Variants in HINFP observed in about 807,000 individuals in gnomAD.
The protein encoded by HINFP is histone H4 transcription factor.
Under a neutral mutation model 50.1 loss-of-function variants are expected in HINFP, and 20 were observed. That is an observed-to-expected ratio of 0.40 (90% CI 0.28 to 0.58). The LOEUF (loss-of-function observed/expected upper bound fraction) is 0.58, where lower values mean the gene tolerates loss of function less well. Among genes scored for constraint, HINFP ranks in the 20% least tolerant of loss-of-function variants. The pLI, the probability that HINFP is intolerant of heterozygous loss-of-function variation, is 0.45. For missense variants in HINFP, 505 were observed against 664.1 expected (o/e 0.76, Z 2.63); for synonymous variants, 247 against 243.7 (o/e 1.01, Z -0.13).
intron 2 of HINFP, among the ~76,000 whole-genome samples, chr11:119,128,103 C>T (rs1211299860): frequency 3.9e-5 from 6 of 152,132 alleles, no homozygotes; most frequent in Admixed American, 2.6e-4. Context: ...CCGCCCACCT[C>T]GGCCTCCCAA....
chr11:119,132,375 C>A, intron 5 of HINFP, 121 bp from the exon 6 acceptor site: 2 of 896,672 alleles, frequency 2.2e-6, no homozygotes, highest in South Asian at 1.5e-5. Context: ...CCATTCATAG[C>A]TCCCTAAGCT....
In HINFP at chr11:119,129,490, CT is replaced by C. The variant is rs59395600; in HGVS notation, c.182-1220del. Among the ~76,000 whole-genome samples the C allele has an allele frequency of 1.8e-3, 223 of 124,100 alleles. 2 individuals are homozygous for C. The highest frequency in any genetic ancestry group is 8.8e-3 in the Middle Eastern group (2 of 226). 81.4% of individuals were successfully genotyped at this position (124,100 alleles called of 152,430 possible). A position where few individuals can be genotyped will look rare whatever the true frequency, so the allele number is the denominator to read the frequency against. ...TCTGGCAGGAATACATTTTTCTTTT[CT>C]TTTTTTTTTTTTTTGTGGGAGTGCA... On this transcript the variant is annotated intron_variant, in intron 2 of 9. Transcript: ENST00000350777.
At position 119,132,582 on chromosome 11, in the gene HINFP, C is replaced by T. The variant is rs200102995; in HGVS notation, c.754+9C>T. The T allele has an allele frequency of 1.8e-5, 29 of 1,614,116 alleles. No homozygotes were observed. In the African/African-American group the frequency reaches 3.1e-4, roughly 17 times the overall value. ...CCACATGCGCAACCATGGTGAGTGG[C>T]CTGCGGCCCACAGCCTCCCTCCTGC... On this transcript the variant is annotated intron_variant, in intron 6 of 9. Transcript: ENST00000350777.
At chr11:119,127,689 C>T (rs753007245) in intron 2 of HINFP, among the ~76,000 whole-genome samples, 1 of 151,682 alleles carries the variant, frequency 6.6e-6, no homozygotes, top group Non-Finnish European at 1.5e-5. Flanking sequence ...AGGCATGTAC[C>T]ACCACCACAC....
chr11:119,132,815 G>C, intron 7 of HINFP, 34 bp downstream of exon 7: 1 of 1,613,878 alleles, frequency 6.2e-7, no homozygotes, highest in African/African-American at 1.3e-5. Flanking sequence ...AACAGCTCAT[G>C]TTCCAGTGTT....
chr11:119,134,677 G>A lies in HINFP; in HGVS notation c.*179G>A, dbSNP rs570466484. 6 of 536,198 alleles carry A rather than the reference G, an allele frequency of 1.1e-5. No homozygotes were observed. The East Asian group carries it at 1.4e-4, about 13-fold the overall frequency. The allele number at this position is 536,198 out of a possible 1,614,324, so 33.2% of individuals were successfully genotyped here. ...CAGACTCTAAAGACTTCCCTTTTCTGCCAGACTACATTTTGTGGGGAGCCT... is the reference window on the plus strand; with the variant it reads ...CAGACTCTAAAGACTTCCCTTTTCTACCAGACTACATTTTGTGGGGAGCCT... On this transcript the variant is annotated 3_prime_UTR_variant, in exon 10 of 10. Coordinates refer to ENST00000350777, the MANE Select transcript of HINFP (RefSeq NM_198971.3). The surrounding 1 kb of genome is among the most constrained non-coding windows in gnomAD (Gnocchi z 4.3).
Position 119,134,420 on chromosome 11 carries a change from A to T in HINFP, c.1476A>T (p.Pro492=), listed in dbSNP as rs768970523. ...VLSEAPGEPP[P]APEPPSGGIM... is the part of the protein sequence containing the mutation. ...CTGAAGCCCCAGGGGAGCCTCCCCC[A>T]GCCCCTGAGCCACCTTCAGGGGGCA... is the stretch of plus-strand genomic sequence containing the variant. The change falls in exon 10 of 10, where the codon CCA becomes CCT. Residue 492 remains proline, a synonymous_variant. Transcript: ENST00000350777. This position sits in a 1 kb window ranked among gnomAD's most constrained non-coding sequence, Gnocchi z 4.3. The T allele has an allele frequency of 1.9e-6, 3 of 1,614,186 alleles. No homozygotes were observed. The highest frequency in any genetic ancestry group is 2.2e-5 in the East Asian group (1 of 44,880).
rs761743272 is a variant in HINFP at position 119,132,965 on chromosome 11, T to C, written c.977T>C (p.Leu326Pro). 1.9e-6 allele frequency: 3 copies of C among 1,614,236 alleles called. No homozygotes were observed. In the Admixed American group the frequency reaches 5.0e-5, roughly 27 times the overall value. The change falls in exon 8 of 10, where the codon CTC becomes CCC. Residue 326 changes from leucine (L) to proline (P), a missense_variant. Transcript: ENST00000350777. ...FENCTFSARS[L>P]CSIKSHYRKV... ...AACTGCACCTTCAGTGCCCGATCCC[T>C]CTGCTCTATCAAGTCCCATTACCGC...
In HINFP at chr11:119,134,060, C is replaced by T; in HGVS notation, c.1140-24C>T. On this transcript the variant is annotated intron_variant, in intron 9 of 9. Transcript: ENST00000350777. This position sits in a 1 kb window ranked among gnomAD's most constrained non-coding sequence, Gnocchi z 4.3. The stretch of plus-strand genomic sequence containing the variant: ...TGTATCCCCCTGCCTGGGTTTGCTG[C>T]CCTTTATGCTCCTACCTCACCAGGT... 1.2e-6 allele frequency: 2 copies of T among 1,614,042 alleles called. No individual in the cohort carries two copies. The highest frequency in any genetic ancestry group is 1.7e-6 in the Non-Finnish European group (2 of 1,179,916).
chr11:119,123,480 T>C (rs1449326907), intron 1 of HINFP, among the ~76,000 whole-genome samples: 1 of 152,186 alleles, frequency 6.6e-6, no homozygotes, highest in African/African-American at 2.4e-5. Flanking sequence ...TTTATGACTT[T>C]TGAAGCTTTT....
At chr11:119,130,115 C>T (rs1226752253) in intron 2 of HINFP, 1 of 152,520 alleles carries the variant, frequency 6.6e-6, no homozygotes, top group Non-Finnish European at 1.5e-5. Flanking sequence ...TTGAGCAAAA[C>T]ATGAGGGGAA....
chr11:119,134,729 C>A lies in HINFP; in HGVS notation c.*231C>A. 2.1e-6 allele frequency: 1 copy of A among 480,698 alleles called. No individual in the cohort carries two copies. Among genetic ancestry groups the A allele is most frequent in the Non-Finnish European group, 3.7e-6 (1 of 270,254 alleles). The allele number at this position is 480,698 out of a possible 1,614,324, so 29.8% of individuals were successfully genotyped here. A position where few individuals can be genotyped will look rare whatever the true frequency, so the allele number is the denominator to read the frequency against. ...AGGACTCTGGATTCTTTGAGGGGAT[C>A]CTGGATGTGTGTGTTCTTGTTAAAG... On this transcript the variant is annotated 3_prime_UTR_variant, in exon 10 of 10. Transcript: ENST00000350777. The surrounding 1 kb of genome is among the most constrained non-coding windows in gnomAD (Gnocchi z 4.3).
chr11:119,133,074 T>C, intron 8 of HINFP, 21 bp from the exon 9 acceptor site: 1 of 1,614,128 alleles, frequency 6.2e-7, no homozygotes, highest in Non-Finnish European at 8.5e-7. Context: ...TGGTCTCATT[T>C]CTCCCTTCCT....
chr11:119,134,102 T>C lies in HINFP; in HGVS notation c.1158T>C (p.Asp386=). The change falls in exon 10 of 10, where the codon GAT becomes GAC. Residue 386 remains aspartate, a synonymous_variant. Transcript: ENST00000350777. This position sits in a 1 kb window ranked among gnomAD's most constrained non-coding sequence, Gnocchi z 4.3. ...HPRFRYKEHE[D]GYMRLQLVRY... ...TCACCAGGTACAAGGAACATGAAGA[T>C]GGCTATATGCGGCTGCAGCTGGTTC... 1 of 1,614,118 alleles carries C rather than the reference T, an allele frequency of 6.2e-7. No homozygotes were observed.
Position 119,131,203 on chromosome 11 carries a change from C to T in HINFP, c.411+249C>T. 1.5e-6 allele frequency: 1 copy of T among 652,706 alleles called. No individual in the cohort carries two copies. The highest frequency in any genetic ancestry group is 2.8e-6 in the Non-Finnish European group (1 of 355,378). The allele number at this position is 652,706 out of a possible 1,614,324, so 40.4% of individuals were successfully genotyped here. ...TCCTGGGCTCAAGCAATCCTCCCAC[C>T]TCAGCCTCCCAAGTAGCTAGGACTA... On this transcript the variant is annotated intron_variant, in intron 3 of 9. Transcript: ENST00000350777. The surrounding 1 kb of genome is among the most constrained non-coding windows in gnomAD (Gnocchi z 4.2).
At position 119,134,804 on chromosome 11, in the gene HINFP, T is replaced by A; in HGVS notation, c.*306T>A. On this transcript the variant is annotated 3_prime_UTR_variant, in exon 10 of 10. Transcript: ENST00000350777. The surrounding 1 kb of genome is among the most constrained non-coding windows in gnomAD (Gnocchi z 4.3). ...ACCCTCAAGATCTGCTTGACAGTGA[T>A]TAAATCCTTAGCTCACATCCATTCC... is the stretch of plus-strand genomic sequence containing the variant. The A allele has an allele frequency of 3.7e-6, 1 of 272,196 alleles. No individual in the cohort carries two copies. The highest frequency in any genetic ancestry group is 7.0e-6 in the Non-Finnish European group (1 of 142,526). 16.9% of individuals were successfully genotyped at this position (272,196 alleles called of 1,614,324 possible).
rs1947059521 is a variant in HINFP, at chr11:119,121,640, G to A, written c.-11+1G>A. ...TGAAGAGACCTGGAGCCGACAGACG[G>A]TAAGCTGGGGTATGTGCTCTGCAGG... On this transcript the variant is annotated splice_donor_variant, in intron 1 of 9. Coordinates refer to ENST00000350777, the MANE Select transcript of HINFP (RefSeq NM_198971.3). LOFTEE classifies it low-confidence loss of function (5UTR_SPLICE). 6.6e-6 allele frequency: 1 copy of A among 152,400 alleles called. No homozygotes were observed. The highest frequency in any genetic ancestry group is 1.5e-5 in the Non-Finnish European group (1 of 68,148). The allele number at this position is 152,400 out of a possible 1,614,324, so 9.4% of individuals were successfully genotyped here.
At position 119,134,570 on chromosome 11, in the gene HINFP, G is replaced by T. The variant is rs1947972786; in HGVS notation, c.*72G>T. The T allele has an allele frequency of 7.9e-7, 1 of 1,272,214 alleles. No homozygotes were observed. Among genetic ancestry groups the T allele is most frequent in the African/African-American group, 1.5e-5 (1 of 67,038 alleles). 78.8% of individuals were successfully genotyped at this position (1,272,214 alleles called of 1,614,324 possible). A position where few individuals can be genotyped will look rare whatever the true frequency, so the allele number is the denominator to read the frequency against. ...CCAGGCAAGTGGCAGTGCCCCTAGT[G>T]GGCAGCCGTTGCCAATGGATGCCTT... is the stretch of plus-strand genomic sequence containing the variant. On this transcript the variant is annotated 3_prime_UTR_variant, in exon 10 of 10. Coordinates refer to ENST00000350777, the MANE Select transcript of HINFP (RefSeq NM_198971.3). The surrounding 1 kb of genome is among the most constrained non-coding windows in gnomAD (Gnocchi z 4.3).
chr11:119,122,075 T>A (rs1947096570), intron 1 of HINFP: 1 of 152,296 alleles, frequency 6.6e-6, no homozygotes, highest in Non-Finnish European at 1.5e-5. Flanking sequence ...AATTATGAGT[T>A]CTTAGGCGTT....
Sources: allele counts gnomAD v4.1 joint callset (sites outside exome capture counted in the v4.1 genomes callset), GRCh38; gene constraint gnomAD v4.1.1; non-coding constraint Gnocchi (gnomAD v3.1); transcripts MANE v1.5; gene names NCBI Gene and HGNC (gene_info 2026-07-23, HGNC 2026-07-21).